Variants in GNS observed in about 807,000 individuals in gnomAD.
The protein encoded by GNS is N-acetylglucosamine-6-sulfatase.
Under a neutral mutation model 69.7 loss-of-function variants are expected in GNS, and 40 were observed. That is an observed-to-expected ratio of 0.57 (90% CI 0.45 to 0.75). The LOEUF is 0.75. GNS is among the 30% of genes least tolerant of loss of function. The pLI, the probability that GNS is intolerant of heterozygous loss-of-function variation, is 0.00. For synonymous variants in GNS, 243 were observed against 251.6 expected, an observed-to-expected ratio of 0.97 and a Z score of 0.32; for missense variants, 565 against 685.5, an observed-to-expected ratio of 0.82 and a Z score of 1.96.
At chr12:64,727,653 T>C (rs1414964784) in intron 10 of GNS, among the ~76,000 whole-genome samples, 3 of 152,194 alleles carry the variant, frequency 2.0e-5, no homozygotes, top group South Asian at 2.1e-4. Flanking sequence ...CCACATATTA[T>C]GTAATTTCAT....
Position 64,759,294 on chromosome 12 carries a change from G to A in GNS, c.-18C>T, listed in dbSNP as rs776346336. On this transcript the variant is annotated 5_prime_UTR_variant, in exon 1 of 14. Coordinates refer to ENST00000258145, the MANE Select transcript of GNS (RefSeq NM_002076.4). ...AGCCGCATAGCGGACAGGCTCCGGG[G>A]TGACCCCGGGACGGGACGGGACGGA... is the stretch of plus-strand genomic sequence containing the variant. 4.7e-5 allele frequency: 70 copies of A among 1,486,322 alleles called. 2 individuals are homozygous for A. In the South Asian group the frequency reaches 9.0e-4, roughly 19 times the overall value. The allele number at this position is 1,486,322 out of a possible 1,614,324, so 92.1% of individuals were successfully genotyped here.
chr12:64,742,755 A>C (rs377028120), intron 6 of GNS, among the ~76,000 whole-genome samples: 5 of 152,044 alleles, frequency 3.3e-5, no homozygotes, highest in African/African-American at 9.7e-5. Flanking sequence ...CTTTCCAACC[A>C]TATTGCTCTG....
chr12:64,753,647 C>G lies in GNS; in HGVS notation c.193-890G>C, dbSNP rs1737499608. ...CAATAATTCCTTAAAGATTGCTAAT[C>G]TAAATACATAAGTAGGTTAACAGGA... On this transcript the variant is annotated intron_variant, in intron 1 of 13. Transcript: ENST00000258145. 2.6e-5 allele frequency among the ~76,000 whole-genome samples: 4 copies of G among 152,286 alleles called. No homozygotes were observed. In the South Asian group the frequency reaches 6.2e-4, roughly 24 times the overall value.
At chr12:64,724,998 A>G (rs1869150827) in intron 10 of GNS, among the ~76,000 whole-genome samples, 1 of 152,242 alleles carries the variant, frequency 6.6e-6, no homozygotes, top group Admixed American at 6.5e-5. Flanking sequence ...AGAGGAGAAA[A>G]GAGCACCTGA....
intron 9 of GNS, among the ~76,000 whole-genome samples, chr12:64,731,742 T>C (rs1242524184): frequency 6.6e-6 from 1 of 152,168 alleles, no homozygotes; most frequent in Non-Finnish European, 1.5e-5. Context: ...AAACACTAGT[T>C]TCACAGTATT....
chr12:64,747,652 A>G lies in GNS; in HGVS notation c.459+60T>C, dbSNP rs1432142442. Reference sequence around the variant, plus strand: ...CATTAATTGAAATAATAAAATTAACATGAATTATATTCACATTTTAAAAGC... The same window carrying G: ...CATTAATTGAAATAATAAAATTAACGTGAATTATATTCACATTTTAAAAGC... On this transcript the variant is annotated intron_variant, in intron 3 of 13. Transcript: ENST00000258145. The G allele has an allele frequency of 4.2e-6, 4 of 941,450 alleles. No homozygotes were observed. In the East Asian group the frequency reaches 1.0e-4, roughly 23 times the overall value. The allele number at this position is 941,450 out of a possible 1,614,324, so 58.3% of individuals were successfully genotyped here.
intron 9 of GNS, among the ~76,000 whole-genome samples, chr12:64,734,012 A>G (rs1392798196): frequency 5.3e-5 from 8 of 152,236 alleles, no homozygotes; most frequent in Non-Finnish European, 1.5e-5. Context: ...AGCTCAGCTC[A>G]TTATGCCCAA....
intron 10 of GNS, among the ~76,000 whole-genome samples, chr12:64,726,328 T>C (rs180685516): frequency 2.1e-4 from 32 of 149,788 alleles, no homozygotes; most frequent in Admixed American, 4.0e-4. Context: ...TGAGTATCTA[T>C]AGAGAAAAAA....
At chr12:64,725,362 C>T (rs373840412) in intron 10 of GNS, among the ~76,000 whole-genome samples, 88 of 152,246 alleles carry the variant, frequency 5.8e-4, no homozygotes, top group African/African-American at 2.1e-3. Context: ...AACGGGGGTG[C>T]GCTAGATTTG....
At chr12:64,720,246 A>G in intron 12 of GNS, 64 bp from the exon 13 acceptor site, 3 of 1,076,574 alleles carry the variant, frequency 2.8e-6, no homozygotes, top group Admixed American at 1.7e-5. Flanking sequence ...AAATACTCTT[A>G]ACGTGACTTA....
At chr12:64,739,306 C>G in intron 8 of GNS, 75 bp downstream of exon 8, 2 of 851,346 alleles carry the variant, frequency 2.3e-6, no homozygotes, top group Non-Finnish European at 4.1e-6. Context: ...CTAGAACTCC[C>G]TCCCAGGGCT....
At chr12:64,719,234 G>C (rs780825729) in intron 13 of GNS, among the ~76,000 whole-genome samples, 3 of 152,194 alleles carry the variant, frequency 2.0e-5, no homozygotes, top group Non-Finnish European at 4.4e-5. Flanking sequence ...ATACAAAGAC[G>C]GCTAAAAAAT....
chr12:64,738,611 A>C (rs1869624918), intron 8 of GNS, among the ~76,000 whole-genome samples: 1 of 152,134 alleles, frequency 6.6e-6, no homozygotes, highest in Non-Finnish European at 1.5e-5. Flanking sequence ...TCAGGAGTTC[A>C]AGACCAGTCT....
In GNS at chr12:64,755,483, CAG is replaced by C. The variant is rs1245862842; in HGVS notation, c.193-2728_193-2727del. On this transcript the variant is annotated intron_variant, in intron 1 of 13. Transcript: ENST00000258145. ...AACCCAGCTACTTGGGAGGCTGAGA[CAG>C]GGGAATCTCTTGAACTCAGGAGAAG... Among the ~76,000 whole-genome samples, 3 of 149,518 alleles carry C rather than the reference CAG, an allele frequency of 2.0e-5. No homozygotes were observed. In the East Asian group the frequency reaches 6.1e-4, roughly 31 times the overall value.
chr12:64,728,730 C>T (rs1422494111), intron 10 of GNS, among the ~76,000 whole-genome samples: 1 of 152,188 alleles, frequency 6.6e-6, no homozygotes, highest in African/African-American at 2.4e-5. Context: ...TTCCCAACCT[C>T]TCTTTATTTA....
intron 1 of GNS, among the ~76,000 whole-genome samples, chr12:64,755,915 C>A (rs530446037): frequency 6.6e-6 from 1 of 152,232 alleles, no homozygotes; most frequent in Admixed American, 6.5e-5. Flanking sequence ...GATCTGTCCA[C>A]CTCGGCCTCC....
chr12:64,737,395 T>G (rs1869588951), intron 8 of GNS, among the ~76,000 whole-genome samples: 1 of 152,138 alleles, frequency 6.6e-6, no homozygotes. Flanking sequence ...CATAAAAAAT[T>G]ATGCATGCTA....
At chr12:64,725,991 G>GTC (rs1869184090) in intron 10 of GNS, among the ~76,000 whole-genome samples, 1 of 67,408 alleles carries the variant, frequency 1.5e-5, no homozygotes, top group African/African-American at 7.0e-5. Context: ...GCTAGACTCT[G>GTC]TCTCAAAAAA....
At chr12:64,736,446 G>C (rs759280301) in intron 9 of GNS, among the ~76,000 whole-genome samples, 1 of 152,278 alleles carries the variant, frequency 6.6e-6, no homozygotes, top group South Asian at 2.1e-4. Context: ...GACATCACCC[G>C]GGAGCTGATC....
Sources: allele counts gnomAD v4.1 joint callset (sites outside exome capture counted in the v4.1 genomes callset), GRCh38; gene constraint gnomAD v4.1.1; transcripts MANE v1.5; gene names NCBI Gene and HGNC (gene_info 2026-07-23, HGNC 2026-07-21).